Variants in ZNF567 observed in about 807,000 individuals in gnomAD.
The protein encoded by ZNF567 is zinc finger protein 567.
A neutral mutation model predicts 53.9 loss-of-function variants in ZNF567; 36 were observed. That is an observed-to-expected ratio of 0.67 (90% CI 0.51 to 0.88). ZNF567 has a LOEUF of 0.88. Among genes scored for constraint, ZNF567 ranks in the 40% least tolerant of loss-of-function variants. The pLI is 0.00. For missense variants in ZNF567, 619 were observed against 764.7 expected (o/e 0.81, Z 2.25); for synonymous variants, 224 against 260.4 (o/e 0.86, Z 1.35).
chr19:36,701,060 A>C (rs980726696), intron 3 of ZNF567, among the ~76,000 whole-genome samples: 2 of 151,710 alleles, frequency 1.3e-5, no homozygotes, highest in Non-Finnish European at 2.9e-5. Context: ...GTGGGCATTT[A>C]GTGCTATAAA....
chr19:36,710,280 C>CT (rs35115492), intron 3 of ZNF567, among the ~76,000 whole-genome samples: 2,213 of 76,114 alleles, frequency 0.029, 25 homozygotes, highest in Non-Finnish European at 0.033. Flanking sequence ...ACTTTGAAGC[C>CT]TTTTTTTTTT....
chr19:36,682,923 A>T (rs2038208887), upstream of ZNF567, among the ~76,000 whole-genome samples: 1 of 151,646 alleles, frequency 6.6e-6, no homozygotes, highest in African/African-American at 2.4e-5. Flanking sequence ...ATTTTTTTAA[A>T]AAGCCAGCAC....
chr19:36,682,361 A>G, the ZNF567 span, among the ~76,000 whole-genome samples: 1 of 151,588 alleles, frequency 6.6e-6, no homozygotes, highest in Non-Finnish European at 1.5e-5. Context: ...ATCTATATGT[A>G]TCTATATACT....
the ZNF567 span, among the ~76,000 whole-genome samples, chr19:36,677,950 TA>T: frequency 6.6e-6 from 1 of 152,168 alleles, no homozygotes; most frequent in African/African-American, 2.4e-5. Flanking sequence ...TCTTGACACC[TA>T]AAGTGACTTT....
intron 5 of ZNF567, among the ~76,000 whole-genome samples, chr19:36,715,503 AATAATAATTATTATT>A (rs1358163417): frequency 4.5e-3 from 139 of 30,790 alleles, no homozygotes; most frequent in Middle Eastern, 0.023. Context: ...TAATAATAAT[AATAATAATTATTATT>A]ATTATTATTA....
upstream of ZNF567, chr19:36,686,415 C>G (rs2038273040): frequency 6.6e-6 from 1 of 152,148 alleles, no homozygotes; most frequent in African/African-American, 2.4e-5. Flanking sequence ...CATCATCTAC[C>G]ATAAACATAC....
At chr19:36,671,122 T>A in the ZNF567 span, among the ~76,000 whole-genome samples, 1 of 151,900 alleles carries the variant, frequency 6.6e-6, no homozygotes, top group South Asian at 2.1e-4. Flanking sequence ...AACAAACAAA[T>A]AAACAAAAGA....
chr19:36,710,560 A>G (rs992227567), intron 3 of ZNF567, among the ~76,000 whole-genome samples: 1 of 152,162 alleles, frequency 6.6e-6, no homozygotes, highest in African/African-American at 2.4e-5. Context: ...CTTCCTGCTC[A>G]GTGTAAAGCA....
intron 3 of ZNF567, among the ~76,000 whole-genome samples, chr19:36,708,796 C>A: frequency 6.6e-6 from 1 of 151,920 alleles, no homozygotes; most frequent in Non-Finnish European, 1.5e-5. Context: ...CCTCCTAACC[C>A]GTTCTTGCTT....
intron 3 of ZNF567, among the ~76,000 whole-genome samples, chr19:36,704,848 A>C (rs1027214279): frequency 1.3e-5 from 2 of 152,176 alleles, no homozygotes; most frequent in East Asian, 3.8e-4. Flanking sequence ...CTTTGTGGAA[A>C]GTTGTTTAAC....
rs916994739 is a variant in ZNF567 at position 36,688,821 on chromosome 19, G to A, written c.-167-576G>A. On this transcript the variant is annotated intron_variant, in intron 1 of 5. Coordinates refer to ENST00000682579, the MANE Select transcript of ZNF567 (RefSeq NM_001322917.1). Reference sequence around the variant, plus strand: ...GACTCCGTCTCAAAAAAAAAAAAAAGATTGGGCCCATGCGCGGTGGCTCAC... The same window carrying A: ...GACTCCGTCTCAAAAAAAAAAAAAAAATTGGGCCCATGCGCGGTGGCTCAC... Among the ~76,000 whole-genome samples, 18 of 113,480 alleles carry A rather than the reference G, an allele frequency of 1.6e-4. No homozygotes were observed. In the East Asian group the frequency reaches 3.3e-3, roughly 21 times the overall value. 74.4% of individuals were successfully genotyped at this position (113,480 alleles called of 152,430 possible). A position where few individuals can be genotyped will look rare whatever the true frequency, so the allele number is the denominator to read the frequency against.
At chr19:36,671,569 C>A in the ZNF567 span, among the ~76,000 whole-genome samples, 1 of 152,194 alleles carries the variant, frequency 6.6e-6, no homozygotes, top group Non-Finnish European at 1.5e-5. Flanking sequence ...GCCACATGAT[C>A]CAACAAATCT....
chr19:36,675,088 C>G, the ZNF567 span, among the ~76,000 whole-genome samples: 2 of 152,146 alleles, frequency 1.3e-5, no homozygotes, highest in African/African-American at 2.4e-5. Flanking sequence ...GAAAATCTTC[C>G]ATTTAATAAA....
chr19:36,719,368 G>A lies in ZNF567; in HGVS notation c.644G>A (p.Cys215Tyr), dbSNP rs371799994. The A allele has an allele frequency of 6.8e-6, 11 of 1,613,736 alleles. No homozygotes were observed. The African/African-American group carries it at 8.0e-5, about 12-fold the overall frequency. ...TPAQSFGYND[C>Y]EKSFLQRGGL... is the part of the protein sequence containing the mutation. Reference sequence around the variant, plus strand: ...GCACAGTCATTTGGATATAATGACTGTGAGAAATCATTCCTTCAAAGGGGA... The same window carrying A: ...GCACAGTCATTTGGATATAATGACTATGAGAAATCATTCCTTCAAAGGGGA... Residue 215 changes from cysteine to tyrosine, a missense_variant, in exon 6 of 6, where the codon TGT (cysteine) becomes TAT (tyrosine). By Grantham distance (194) the Cys-to-Tyr change is radical (BLOSUM62 -2). Coordinates refer to ENST00000682579, the MANE Select transcript of ZNF567 (RefSeq NM_001322917.1).
the ZNF567 span, among the ~76,000 whole-genome samples, chr19:36,676,530 A>G: frequency 1.3e-5 from 2 of 152,122 alleles, no homozygotes; most frequent in African/African-American, 2.4e-5. Context: ...CATTTCCCTC[A>G]GGGTCCTGTG....
At chr19:36,697,433 T>C in intron 3 of ZNF567, among the ~76,000 whole-genome samples, 1 of 152,088 alleles carries the variant, frequency 6.6e-6, no homozygotes, top group Non-Finnish European at 1.5e-5. Context: ...ACTGTTTTCT[T>C]TCTTTCTAAT....
downstream of ZNF567, among the ~76,000 whole-genome samples, chr19:36,723,663 C>T (rs2040321823): frequency 6.6e-6 from 1 of 151,872 alleles, no homozygotes; most frequent in African/African-American, 2.4e-5. Context: ...GTGAAACCCC[C>T]TCTCTACTAA....
the ZNF567 span, among the ~76,000 whole-genome samples, chr19:36,678,721 G>A: frequency 6.6e-6 from 1 of 151,912 alleles, no homozygotes; most frequent in African/African-American, 2.4e-5. Context: ...GTGGGTGCCT[G>A]TAGTCCCAGC....
At chr19:36,721,758 T>TTC (rs2040306180), downstream of ZNF567, among the ~76,000 whole-genome samples, 1 of 147,078 alleles carries the variant, frequency 6.8e-6, no homozygotes, top group African/African-American at 2.5e-5. Flanking sequence ...TTTTTTTTTT[T>TTC]TTTTGAGACA....
Sources: allele counts gnomAD v4.1 joint callset (sites outside exome capture counted in the v4.1 genomes callset), GRCh38; gene constraint gnomAD v4.1.1; transcripts MANE v1.5; gene names NCBI Gene and HGNC (gene_info 2026-07-23, HGNC 2026-07-21).